The following ZNF264 variants were observed in gnomAD, a reference collection of about 807,000 sequenced individuals.
ZNF264 encodes zinc finger protein 264.
A neutral mutation model predicts 11.2 loss-of-function variants in ZNF264; 11 were observed. That is an observed-to-expected ratio of 0.98 (90% CI 0.62 to 1.63). The LOEUF (loss-of-function observed/expected upper bound fraction) is 1.63, where lower values mean the gene tolerates loss of function less well. Among genes scored for constraint, ZNF264 ranks in the 40% most tolerant of loss-of-function variants. The pLI is 0.00. For synonymous variants in ZNF264, 309 were observed against 279.8 expected (o/e 1.10, Z -1.04); for missense variants, 752 against 768.1 (o/e 0.98, Z 0.25).
rs550287316 is a variant in ZNF264, at chr19:57,201,607, T to G, written c.161-3790T>G. On this transcript the variant is annotated intron_variant, in intron 2 of 3. Transcript: ENST00000263095. ...ACCCAGAAACTAGGTGTGTTTATGTTGGAAAAGTAGACTAAGGAGATCAGT... is the reference window on the plus strand; with the variant it reads ...ACCCAGAAACTAGGTGTGTTTATGTGGGAAAAGTAGACTAAGGAGATCAGT... Among the ~76,000 whole-genome samples the G allele has an allele frequency of 1.4e-4, 22 of 152,030 alleles. No homozygotes were observed. In the East Asian group the frequency reaches 1.9e-3, roughly 13 times the overall value.
chr19:57,222,487 G>C lies in ZNF264; in HGVS notation c.*9506G>C, dbSNP rs1599961257. 1 of 148,548 alleles carries C rather than the reference G, an allele frequency of 6.7e-6. No homozygotes were observed. Among genetic ancestry groups the C allele is most frequent in the East Asian group, 1.9e-4 (1 of 5,156 alleles). The allele number at this position is 148,548 out of a possible 1,614,324, so 9.2% of individuals were successfully genotyped here. ...GTACAGAGAGAGTCTTTCAAGAAAG[G>C]ACCTAGTCTGCTCGCGTTCTCTCTC... On this transcript the variant is annotated 3_prime_UTR_variant, in exon 4 of 4. Coordinates refer to ENST00000263095, the MANE Select transcript of ZNF264 (RefSeq NM_003417.5).
chr19:57,205,618 C>CT (rs1330552717), intron 3 of ZNF264, 126 bp downstream of exon 3: 17 of 818,098 alleles, frequency 2.1e-5, no homozygotes, highest in South Asian at 6.1e-5. Flanking sequence ...TTATATAACT[C>CT]TATCACACTA....
chr19:57,196,654 T>A (rs1273221809), intron 2 of ZNF264, among the ~76,000 whole-genome samples: 1 of 151,890 alleles, frequency 6.6e-6, no homozygotes, highest in African/African-American at 2.4e-5. Flanking sequence ...GGCTGAGTGG[T>A]GTCCACAGAA....
At chr19:57,200,561 T>TTGTCTCTTGTGTCTTG (rs1555764417) in intron 2 of ZNF264, among the ~76,000 whole-genome samples, 2 of 122,838 alleles carry the variant, frequency 1.6e-5, no homozygotes, top group African/African-American at 5.9e-5. Flanking sequence ...GTCTTGTGTC[T>TTGTCTCTTGTGTCTTG]TGTCTTGTCT....
chr19:57,210,508 C>CA (rs1283900783), intron 3 of ZNF264, among the ~76,000 whole-genome samples: 5 of 152,324 alleles, frequency 3.3e-5, no homozygotes, highest in African/African-American at 1.2e-4. Flanking sequence ...CACAAAGCCT[C>CA]AGTGTTTTCA....
intron 2 of ZNF264, among the ~76,000 whole-genome samples, chr19:57,194,559 G>A (rs1223089944): frequency 6.6e-6 from 1 of 152,242 alleles, no homozygotes; most frequent in East Asian, 1.9e-4. Flanking sequence ...CAAAGCTGAA[G>A]AACTTGGTGT....
rs1006397567 is a variant in ZNF264 at position 57,214,568 on chromosome 19, G to C, written c.*1587G>C. On this transcript the variant is annotated 3_prime_UTR_variant, in exon 4 of 4. Coordinates refer to ENST00000263095, the MANE Select transcript of ZNF264 (RefSeq NM_003417.5). ...GGGTTTCACCATGGTGCCCAGGCTG[G>C]TCTTGAACTCCTGGGCTCAAGCAAC... 2 of 152,264 alleles carry C rather than the reference G, an allele frequency of 1.3e-5. No individual in the cohort carries two copies. Among genetic ancestry groups the C allele is most frequent in the African/African-American group, 4.8e-5 (2 of 41,448 alleles). The allele number at this position is 152,264 out of a possible 1,614,324, so 9.4% of individuals were successfully genotyped here.
At chr19:57,194,120 C>A in intron 2 of ZNF264, 119 bp downstream of exon 2, 2 of 1,386,296 alleles carry the variant, frequency 1.4e-6, no homozygotes, top group South Asian at 1.5e-5. Context: ...CTCTTTCCCA[C>A]AGCTTTAGTC....
rs1459165541 is a variant in ZNF264, at chr19:57,218,436, G to A, written c.*5455G>A. ...TCAGAAGTTTGGCTGTGATGTGCGT[G>A]GCATGGAAGTTTTTGGGTGTATTCT... On this transcript the variant is annotated 3_prime_UTR_variant, in exon 4 of 4. Coordinates refer to ENST00000263095, the MANE Select transcript of ZNF264 (RefSeq NM_003417.5). The A allele has an allele frequency of 6.6e-6, 1 of 152,268 alleles. No individual in the cohort carries two copies. Among genetic ancestry groups the A allele is most frequent in the South Asian group, 2.1e-4 (1 of 4,820 alleles). The allele number at this position is 152,268 out of a possible 1,614,324, so 9.4% of individuals were successfully genotyped here.
rs2087369684 is a variant in ZNF264 at position 57,214,991 on chromosome 19, A to C, written c.*2010A>C. ...ATTTTGTTGAGGAAATATTCCTCTAATTTATTGGCTAATAATGTGTAGTTC... is the reference window on the plus strand; with the variant it reads ...ATTTTGTTGAGGAAATATTCCTCTACTTTATTGGCTAATAATGTGTAGTTC... On this transcript the variant is annotated 3_prime_UTR_variant, in exon 4 of 4. Coordinates refer to ENST00000263095, the MANE Select transcript of ZNF264 (RefSeq NM_003417.5). 1 of 152,206 alleles carries C rather than the reference A, an allele frequency of 6.6e-6. No homozygotes were observed. The highest frequency in any genetic ancestry group is 1.5e-5 in the Non-Finnish European group (1 of 68,034). 9.4% of individuals were successfully genotyped at this position (152,206 alleles called of 1,614,324 possible).
chr19:57,200,574 T>C (rs2087245718), intron 2 of ZNF264, among the ~76,000 whole-genome samples: 1 of 109,974 alleles, frequency 9.1e-6, no homozygotes, highest in South Asian at 2.7e-4. Context: ...TCTTGTCTTG[T>C]CTTGTCTTGT....
At chr19:57,207,545 C>CG (rs1350223042) in intron 3 of ZNF264, among the ~76,000 whole-genome samples, 2 of 103,124 alleles carry the variant, frequency 1.9e-5, no homozygotes, top group Non-Finnish European at 4.1e-5. Context: ...TTTTTCTTTT[C>CG]TTTTTTTTTT....
chr19:57,211,914 T>C lies in ZNF264; in HGVS notation c.817T>C (p.Tyr273His). The C allele has an allele frequency of 6.2e-7, 1 of 1,613,162 alleles. No individual in the cohort carries two copies. Among genetic ancestry groups the C allele is most frequent in the Non-Finnish European group, 8.5e-7 (1 of 1,179,732 alleles). Residue 273 changes from tyrosine (Y) to histidine (H), a missense_variant, in exon 4 of 4, where the codon TAC (tyrosine) becomes CAC (histidine). Tyr to His is a moderately conservative substitution (Grantham distance 83). Transcript: ENST00000263095. ...TGGAAAGGCCTTCAACCGCAAGTCA[T>C]ACCTTACCCAGCACCAGCGGATTCA... is the stretch of plus-strand genomic sequence containing the variant. ...ECGKAFNRKS[Y>H]LTQHQRIHSG...
rs2087358685 is a variant in ZNF264, at chr19:57,213,673, G to C, written c.*692G>C. 6.6e-6 allele frequency: 1 copy of C among 152,070 alleles called. No homozygotes were observed. The highest frequency in any genetic ancestry group is 2.1e-4 in the South Asian group (1 of 4,830). The allele number at this position is 152,070 out of a possible 1,614,324, so 9.4% of individuals were successfully genotyped here. The stretch of plus-strand genomic sequence containing the variant: ...TTCTTCTTTGCTCTTATTTAAAATC[G>C]ACAGCATTTCTAGTTCCTTTGACAT... On this transcript the variant is annotated 3_prime_UTR_variant, in exon 4 of 4. Coordinates refer to ENST00000263095, the MANE Select transcript of ZNF264 (RefSeq NM_003417.5).
intron 1 of ZNF264, chr19:57,193,549 G>A (rs530091533): frequency 6.1e-6 from 6 of 985,056 alleles, no homozygotes; most frequent in East Asian, 2.3e-4. Flanking sequence ...AGGTACTGCC[G>A]TTGTAACCAT....
chr19:57,195,365 G>T (rs1296316251), intron 2 of ZNF264, among the ~76,000 whole-genome samples: 1 of 152,202 alleles, frequency 6.6e-6, no homozygotes, highest in African/African-American at 2.4e-5. Context: ...TTTAATAAAA[G>T]AAGGAGGAAA....
intron 1 of ZNF264, 82 bp downstream of exon 1, chr19:57,192,028 C>A: frequency 7.7e-7 from 1 of 1,307,082 alleles, no homozygotes; most frequent in East Asian, 2.9e-5. Flanking sequence ...CCCAGGTATC[C>A]CCTGGATTTG....
At chr19:57,204,988 G>T (rs539358169) in intron 2 of ZNF264, among the ~76,000 whole-genome samples, 1 of 152,228 alleles carries the variant, frequency 6.6e-6, no homozygotes, top group Admixed American at 6.5e-5. Context: ...TGTTGATCAC[G>T]ATGTGGACTT....
At position 57,216,803 on chromosome 19, in the gene ZNF264, T is replaced by G. The variant is rs1194627592; in HGVS notation, c.*3822T>G. 6.6e-6 allele frequency: 1 copy of G among 152,168 alleles called. No individual in the cohort carries two copies. The highest frequency in any genetic ancestry group is 6.5e-5 in the Admixed American group (1 of 15,278). 9.4% of individuals were successfully genotyped at this position (152,168 alleles called of 1,614,324 possible). ...GTGCCCTTAAATGATTTTTGTGTTC[T>G]TTTTTATTGTTCCTCTGTTATTTGG... On this transcript the variant is annotated 3_prime_UTR_variant, in exon 4 of 4. Coordinates refer to ENST00000263095, the MANE Select transcript of ZNF264 (RefSeq NM_003417.5).
Sources: gnomAD v4.1 joint callset for allele counts (sites outside exome capture counted in the v4.1 genomes callset) on GRCh38, gnomAD v4.1.1 for gene constraint, MANE v1.5 for transcripts, NCBI Gene and HGNC (gene_info 2026-07-23, HGNC 2026-07-21) for gene names.